CCDC102B: variants seen among roughly 807,000 people sequenced by gnomAD.
CCDC102B encodes the protein coiled-coil domain-containing protein 102B.
CCDC102B carries 75 observed loss-of-function variants against 57.4 expected under a neutral mutation model. The observed-to-expected ratio is 1.31, with a 90% CI of 1.08 to 1.58. CCDC102B has a LOEUF of 1.58. Ranked by LOEUF, CCDC102B falls within the 40% of genes most tolerant of loss-of-function variation. The probability of loss-of-function intolerance (pLI) is 0.00; values close to 1 mark genes in which losing one functional copy is unlikely to be tolerated. For missense variants in CCDC102B, 636 were observed against 582.6 expected, an observed-to-expected ratio of 1.09 and a Z score of -0.94; for synonymous variants, 206 against 201.9, an observed-to-expected ratio of 1.02 and a Z score of -0.17.
intron 6 of CCDC102B, among the ~76,000 whole-genome samples, chr18:68,945,934 T>A (rs2049526707): frequency 6.6e-6 from 1 of 152,096 alleles, no homozygotes. Flanking sequence ...CTTTATTATT[T>A]TTTTTCTAAC....
chr18:69,047,575 A>G (rs1245774660), intron 7 of CCDC102B, among the ~76,000 whole-genome samples: 1 of 152,098 alleles, frequency 6.6e-6, no homozygotes, highest in African/African-American at 2.4e-5. Context: ...AACGCATCCA[A>G]ATTGGAAGAG....
chr18:68,882,384 A>T (rs1000121839), intron 5 of CCDC102B, among the ~76,000 whole-genome samples: 8 of 152,196 alleles, frequency 5.3e-5, no homozygotes, highest in Non-Finnish European at 1.2e-4. Context: ...AAATGAGCAA[A>T]GCCAGTGACA....
chr18:68,858,710 C>G (rs575536049), intron 4 of CCDC102B, among the ~76,000 whole-genome samples: 1 of 152,128 alleles, frequency 6.6e-6, no homozygotes, highest in African/African-American at 2.4e-5. Context: ...TCTTTGCTAA[C>G]TGGCACCCAT....
intron 2 of CCDC102B, among the ~76,000 whole-genome samples, chr18:68,790,537 C>T (rs1329717059): frequency 3.3e-5 from 5 of 152,176 alleles, no homozygotes; most frequent in Non-Finnish European, 7.4e-5. Context: ...CGTGGTGCGC[C>T]GTTTTTCAAG....
intron 6 of CCDC102B, among the ~76,000 whole-genome samples, chr18:68,975,979 A>T (rs2050426481): frequency 6.6e-6 from 1 of 152,006 alleles, no homozygotes; most frequent in Admixed American, 6.6e-5. Flanking sequence ...GTTTTACTTC[A>T]TAAGAGTCAA....
intron 6 of CCDC102B, among the ~76,000 whole-genome samples, chr18:68,969,970 C>A (rs1159917046): frequency 6.6e-6 from 1 of 151,904 alleles, no homozygotes; most frequent in Non-Finnish European, 1.5e-5. Flanking sequence ...AATTATATAG[C>A]CTTGAAATAA....
intron 2 of CCDC102B, among the ~76,000 whole-genome samples, chr18:68,761,831 G>GACTTATTTTTA (rs1370206939): frequency 6.6e-6 from 1 of 151,928 alleles, no homozygotes; most frequent in Non-Finnish European, 1.5e-5. Flanking sequence ...TTATATTTTT[G>GACTTATTTTTA]ACTTATTTTT....
chr18:69,038,746 T>G (rs560234054), intron 7 of CCDC102B, among the ~76,000 whole-genome samples: 2 of 152,068 alleles, frequency 1.3e-5, no homozygotes, highest in Non-Finnish European at 2.9e-5. Flanking sequence ...ATATATTTAT[T>G]AATATACACA....
intron 6 of CCDC102B, among the ~76,000 whole-genome samples, chr18:69,000,668 G>T (rs1037265610): frequency 4.6e-5 from 7 of 152,046 alleles, no homozygotes; most frequent in Admixed American, 3.9e-4. Flanking sequence ...CTGTTTTACA[G>T]ATAAGATGTT....
intron 7 of CCDC102B, among the ~76,000 whole-genome samples, chr18:69,022,418 T>A (rs2051870611): frequency 6.6e-6 from 1 of 152,014 alleles, no homozygotes; most frequent in South Asian, 2.1e-4. Flanking sequence ...ATTTGTTACT[T>A]CTCATTCAGT....
At chr18:68,934,179 A>C (rs1276148663) in intron 6 of CCDC102B, among the ~76,000 whole-genome samples, 1 of 151,942 alleles carries the variant, frequency 6.6e-6, no homozygotes, top group Non-Finnish European at 1.5e-5. Context: ...GTAGCAAATA[A>C]TTTGGGAAAT....
intron 6 of CCDC102B, among the ~76,000 whole-genome samples, chr18:68,941,082 TA>T (rs200751483): frequency 0.022 from 3,311 of 148,112 alleles, 68 homozygotes; most frequent in Non-Finnish European, 0.027. Flanking sequence ...ATTTGCTATT[TA>T]TTTATTTTTT....
intron 6 of CCDC102B, among the ~76,000 whole-genome samples, chr18:68,900,741 G>A (rs2040420268): frequency 6.6e-6 from 1 of 152,032 alleles, no homozygotes; most frequent in South Asian, 2.1e-4. Flanking sequence ...AAGTTGGTAA[G>A]CTCATAACTT....
At chr18:68,931,040 C>A (rs1236733394) in intron 6 of CCDC102B, among the ~76,000 whole-genome samples, 3 of 151,676 alleles carry the variant, frequency 2.0e-5, no homozygotes, top group Admixed American at 2.0e-4. Context: ...ATCAGTAAAT[C>A]TTTTACATTA....
chr18:68,833,404 T>A (rs975730480), intron 1 of CCDC102B, among the ~76,000 whole-genome samples: 1 of 146,508 alleles, frequency 6.8e-6, no homozygotes, highest in African/African-American at 2.5e-5. Flanking sequence ...TTTTTTTAAG[T>A]ACACCATTTC....
intron 2 of CCDC102B, among the ~76,000 whole-genome samples, chr18:68,778,363 T>C (rs1367227165): frequency 6.6e-6 from 1 of 152,190 alleles, no homozygotes; most frequent in Non-Finnish European, 1.5e-5. Flanking sequence ...ACCATTTCTG[T>C]ATAAGTTTGA....
chr18:68,857,352 AAT>A (rs1293234453), intron 4 of CCDC102B, among the ~76,000 whole-genome samples: 5 of 100,392 alleles, frequency 5.0e-5, no homozygotes, highest in South Asian at 5.5e-4. Flanking sequence ...ATATATTATA[AAT>A]ATATATATTT....
At chr18:68,903,148 G>A (rs149058293) in intron 6 of CCDC102B, among the ~76,000 whole-genome samples, 22 of 152,300 alleles carry the variant, frequency 1.4e-4, no homozygotes, top group Non-Finnish European at 2.9e-4. Context: ...ACATAATTGA[G>A]AGGCACAGAC....
At chr18:68,860,471 AAAAC>A (rs1465873797) in intron 4 of CCDC102B, among the ~76,000 whole-genome samples, 1 of 81,670 alleles carries the variant, frequency 1.2e-5, no homozygotes, top group Non-Finnish European at 3.1e-5. Context: ...AACAAAAACA[AAAAC>A]AAAAAAAAAA....
Sources: gnomAD v4.1 joint callset for allele counts (sites outside exome capture counted in the v4.1 genomes callset) on GRCh38, gnomAD v4.1.1 for gene constraint, MANE v1.5 for transcripts, NCBI Gene and HGNC (gene_info 2026-07-23, HGNC 2026-07-21) for gene names.